The following FTO variants were observed in gnomAD, a reference collection of about 807,000 sequenced individuals.
The protein encoded by FTO is alpha-ketoglutarate-dependent dioxygenase FTO.
In FTO, 47 loss-of-function variants were observed where a neutral mutation model predicts 63.9. The ratio of observed to expected loss-of-function variants is 0.74; its 90% CI spans 0.58 to 0.94. FTO has a LOEUF of 0.94. Ranked by LOEUF, FTO falls within the 40% of genes least tolerant of loss-of-function variation. FTO has a pLI of 0.00. For missense variants in FTO, 562 were observed against 618.1 expected (o/e 0.91, Z 0.96); for synonymous variants, 207 against 224.4 (o/e 0.92, Z 0.69).
At chr16:53,891,923 T>G (rs2081159893) in intron 7 of FTO, among the ~76,000 whole-genome samples, 1 of 152,200 alleles carries the variant, frequency 6.6e-6, no homozygotes, top group South Asian at 2.1e-4. Flanking sequence ...CTAAGTGTTC[T>G]GAGGGAGATC....
chr16:53,704,400 T>C (rs563179114), intron 1 of FTO, among the ~76,000 whole-genome samples, 171 bp downstream of exon 1: 1 of 152,320 alleles, frequency 6.6e-6, no homozygotes, highest in South Asian at 2.1e-4. Context: ...AAATTCGTGC[T>C]CTTCAGGATG....
At chr16:54,097,726 G>A (rs1175727236) in intron 8 of FTO, among the ~76,000 whole-genome samples, 1 of 152,176 alleles carries the variant, frequency 6.6e-6, no homozygotes, top group Non-Finnish European at 1.5e-5. Flanking sequence ...CTTAGCTCAT[G>A]TGCGTGTGCA....
intron 1 of FTO, among the ~76,000 whole-genome samples, chr16:53,798,980 C>T (rs2078150832): frequency 6.6e-6 from 1 of 152,142 alleles, no homozygotes; most frequent in Non-Finnish European, 1.5e-5. Flanking sequence ...TACATCTATT[C>T]AGGTGACCCT....
intron 1 of FTO, among the ~76,000 whole-genome samples, chr16:53,804,167 A>T (rs1201617668): frequency 6.6e-6 from 1 of 152,226 alleles, no homozygotes; most frequent in Non-Finnish European, 1.5e-5. Context: ...GACTGGTAGA[A>T]CTGGCATTGG....
At chr16:53,876,061 T>C (rs947006064) in intron 5 of FTO, among the ~76,000 whole-genome samples, 7 of 152,208 alleles carry the variant, frequency 4.6e-5, no homozygotes, top group Non-Finnish European at 1.0e-4. Flanking sequence ...TAAAGAAATT[T>C]ACATTTTATG....
intron 8 of FTO, among the ~76,000 whole-genome samples, chr16:53,938,332 C>T (rs150154341): frequency 1.3e-5 from 2 of 152,246 alleles, no homozygotes; most frequent in African/African-American, 4.8e-5. Flanking sequence ...TAATTATTGC[C>T]AACAATGGAT....
intron 5 of FTO, among the ~76,000 whole-genome samples, chr16:53,878,041 G>A (rs911534558): frequency 6.6e-6 from 1 of 152,212 alleles, no homozygotes; most frequent in Non-Finnish European, 1.5e-5. Context: ...GCTCATGCCT[G>A]TAATCCCAGC....
chr16:53,859,227 T>C (rs2080099124), intron 4 of FTO, among the ~76,000 whole-genome samples: 1 of 152,158 alleles, frequency 6.6e-6, no homozygotes, highest in Non-Finnish European at 1.5e-5. Context: ...TCAAAGTTAA[T>C]GAATGAAACA....
At chr16:54,083,580 A>G (rs2086196612) in intron 8 of FTO, among the ~76,000 whole-genome samples, 1 of 152,180 alleles carries the variant, frequency 6.6e-6, no homozygotes. Flanking sequence ...TCATGGTTAG[A>G]GAGCCCAGTG....
chr16:53,766,651 A>G (rs571954903), intron 1 of FTO, among the ~76,000 whole-genome samples: 2 of 152,286 alleles, frequency 1.3e-5, no homozygotes, highest in East Asian at 3.9e-4. Flanking sequence ...GGGACCATCA[A>G]AGAGGCTGTT....
rs532597139 is a variant in FTO, at chr16:54,052,951, C to T, written c.1365-58811C>T. Among the ~76,000 whole-genome samples the T allele has an allele frequency of 5.3e-5, 8 of 152,338 alleles. No homozygotes were observed. In the East Asian group the frequency reaches 9.6e-4, roughly 18 times the overall value. Reference sequence around the variant, plus strand: ...TCTTGACCTCAGGAGATCCACCCACCTCAGCCTCCCAAAGTGCTGGGATTA... The same window carrying T: ...TCTTGACCTCAGGAGATCCACCCACTTCAGCCTCCCAAAGTGCTGGGATTA... On this transcript the variant is annotated intron_variant, in intron 8 of 8. Transcript: ENST00000471389.
At chr16:54,019,439 A>G (rs2084536139) in intron 8 of FTO, among the ~76,000 whole-genome samples, 1 of 152,144 alleles carries the variant, frequency 6.6e-6, no homozygotes, top group Non-Finnish European at 1.5e-5. Context: ...AACCATATAC[A>G]TTTCTTTAGT....
intron 1 of FTO, among the ~76,000 whole-genome samples, chr16:53,749,279 T>A (rs1024977653): frequency 2.6e-5 from 4 of 152,168 alleles, no homozygotes; most frequent in African/African-American, 9.6e-5. Flanking sequence ...ATAGTTTTAC[T>A]TCTTCCTTTC....
intron 1 of FTO, among the ~76,000 whole-genome samples, chr16:53,724,272 G>A (rs2076102880): frequency 6.6e-6 from 1 of 152,212 alleles, no homozygotes; most frequent in East Asian, 1.9e-4. Flanking sequence ...TATCTTGGCT[G>A]TATTCCTTAC....
chr16:53,864,503 A>G (rs1051697748), intron 4 of FTO, among the ~76,000 whole-genome samples: 3 of 152,162 alleles, frequency 2.0e-5, no homozygotes, highest in South Asian at 2.1e-4. Context: ...GGTCTTTTAT[A>G]TATGAAATGA....
At position 53,745,933 on chromosome 16, in the gene FTO, G is replaced by A. The variant is rs566207931; in HGVS notation, c.45+41704G>A. Among the ~76,000 whole-genome samples, 7 of 146,526 alleles carry A rather than the reference G, an allele frequency of 4.8e-5. No individual in the cohort carries two copies. In the East Asian group the frequency reaches 6.1e-4, roughly 13 times the overall value. ...CCTGGGCAATCTAAGGATGGTGAAC[G>A]TGGATTTATTTATGCTTGGGTGGTT... On this transcript the variant is annotated intron_variant, in intron 1 of 8. Coordinates refer to ENST00000471389, the MANE Select transcript of FTO (RefSeq NM_001080432.3).
chr16:54,026,356 A>G (rs1433859588), intron 8 of FTO, among the ~76,000 whole-genome samples: 1 of 152,186 alleles, frequency 6.6e-6, no homozygotes, highest in Non-Finnish European at 1.5e-5. Flanking sequence ...AAGAAGGAAG[A>G]AAGGGAGGGA....
chr16:53,720,643 AATAT>A (rs58637323), intron 1 of FTO, among the ~76,000 whole-genome samples: 2 of 146,834 alleles, frequency 1.4e-5, no homozygotes, highest in African/African-American at 5.0e-5. Context: ...ATATATATAA[AATAT>A]ATATATATCT....
chr16:53,822,456 A>G (rs556789228), intron 2 of FTO, among the ~76,000 whole-genome samples: 30 of 152,260 alleles, frequency 2.0e-4, no homozygotes, highest in Admixed American at 1.7e-3. Flanking sequence ...GGAAAGAACC[A>G]GCCTTGATTT....
Sources: allele counts gnomAD v4.1 joint callset (sites outside exome capture counted in the v4.1 genomes callset), GRCh38; gene constraint gnomAD v4.1.1; transcripts MANE v1.5; gene names NCBI Gene and HGNC (gene_info 2026-07-23, HGNC 2026-07-21).